NTNG1: variants seen among roughly 807,000 people sequenced by gnomAD.
The protein encoded by NTNG1 is netrin G1, also known as netrin-G1.
A neutral mutation model predicts 54.0 loss-of-function variants in NTNG1; 16 were observed. The observed-to-expected ratio is 0.30, with a 90% CI of 0.20 to 0.45. NTNG1 has a LOEUF of 0.45. Among genes scored for constraint, NTNG1 ranks in the 20% least tolerant of loss-of-function variants. The pLI is 1.00. For synonymous variants in NTNG1, 255 were observed against 263.1 expected, an observed-to-expected ratio of 0.97 and a Z score of 0.30; for missense variants, 530 against 678.7, an observed-to-expected ratio of 0.78 and a Z score of 2.43.
At chr1:107,412,812 G>T (rs1279702270) in intron 5 of NTNG1, among the ~76,000 whole-genome samples, 1 of 152,126 alleles carries the variant, frequency 6.6e-6, no homozygotes, top group Non-Finnish European at 1.5e-5. Context: ...ATAGATGTCA[G>T]GTATTTTATA....
At chr1:107,245,223 C>A (rs1447447451) in intron 2 of NTNG1, among the ~76,000 whole-genome samples, 1 of 152,158 alleles carries the variant, frequency 6.6e-6, no homozygotes, top group Non-Finnish European at 1.5e-5. Context: ...GACTAAAAAT[C>A]CAGTGGTTGA....
chr1:107,377,286 G>A (rs560724294), intron 3 of NTNG1, among the ~76,000 whole-genome samples: 45 of 152,270 alleles, frequency 3.0e-4, no homozygotes, highest in South Asian at 1.2e-3. Context: ...GGCCAGGAAC[G>A]GAGGATTATC....
chr1:107,456,040 C>T (rs562736775), intron 7 of NTNG1, among the ~76,000 whole-genome samples: 2 of 152,234 alleles, frequency 1.3e-5, no homozygotes, highest in East Asian at 3.9e-4. Flanking sequence ...TAGAACGATT[C>T]CCCAGGTCAT....
intron 2 of NTNG1, among the ~76,000 whole-genome samples, chr1:107,230,397 G>T (rs79201132): frequency 0.014 from 2,176 of 152,214 alleles, 37 homozygotes; most frequent in Admixed American, 0.055. Context: ...TGCAGTTTCT[G>T]CAGGATTTGT....
intron 3 of NTNG1, among the ~76,000 whole-genome samples, chr1:107,353,699 T>G (rs986530537): frequency 6.6e-6 from 1 of 152,184 alleles, no homozygotes; most frequent in Admixed American, 6.5e-5. Context: ...AATACCAATT[T>G]TTGTGTTAGT....
At chr1:107,294,277 C>T (rs1557875948) in intron 2 of NTNG1, among the ~76,000 whole-genome samples, 1 of 152,186 alleles carries the variant, frequency 6.6e-6, no homozygotes. Context: ...AATAAAGACT[C>T]CACCTGTGAT....
chr1:107,329,075 C>T, intron 3 of NTNG1: 1 of 152,156 alleles, frequency 6.6e-6, no homozygotes, highest in East Asian at 1.9e-4. Context: ...ACTCAGGCTC[C>T]ATTATAGGTA....
chr1:107,173,711 TTTTC>T (rs1288229689), intron 2 of NTNG1, among the ~76,000 whole-genome samples: 39 of 150,378 alleles, frequency 2.6e-4, no homozygotes, highest in Admixed American at 1.2e-3. Context: ...TTCTTTTTTC[TTTTC>T]TTTCTTTCTT....
At chr1:107,395,432 T>C in intron 4 of NTNG1, 106 bp downstream of exon 4, 1 of 1,080,846 alleles carries the variant, frequency 9.3e-7, no homozygotes, top group Non-Finnish European at 1.4e-6. Context: ...AGTTGTCTCA[T>C]TCTTCTTTAA....
chr1:107,440,166 A>C (rs12095462), intron 7 of NTNG1, among the ~76,000 whole-genome samples: 43,623 of 151,796 alleles, frequency 0.29, 6,527 homozygotes, highest in Non-Finnish European at 0.3. Context: ...AGGCAGTAGG[A>C]GATATCAGGA....
chr1:107,416,200 G>T (rs954200182), intron 5 of NTNG1, among the ~76,000 whole-genome samples: 7 of 151,964 alleles, frequency 4.6e-5, no homozygotes, highest in African/African-American at 1.7e-4. Flanking sequence ...ATAAAATTTT[G>T]TCCCACTGGA....
intron 2 of NTNG1, among the ~76,000 whole-genome samples, chr1:107,175,605 G>GTT (rs1390185431): frequency 2.2e-4 from 33 of 149,848 alleles, no homozygotes; most frequent in African/African-American, 7.6e-4. Flanking sequence ...CTTTCTGTGT[G>GTT]TTTTGTTTTT....
intron 7 of NTNG1, among the ~76,000 whole-genome samples, chr1:107,466,501 T>C (rs1297870011): frequency 1.3e-5 from 2 of 152,184 alleles, no homozygotes; most frequent in Non-Finnish European, 2.9e-5. Flanking sequence ...CCTATTCATA[T>C]AAAAGTACAT....
Position 107,350,867 on chromosome 1 carries a change from A to C in NTNG1, c.887+25945A>C, listed in dbSNP as rs573514528. Among the ~76,000 whole-genome samples, 14 of 152,296 alleles carry C rather than the reference A, an allele frequency of 9.2e-5. 1 individual carries two copies. In the East Asian group the frequency reaches 1.9e-3, roughly 21 times the overall value. On this transcript the variant is annotated intron_variant, in intron 3 of 7. Transcript: ENST00000370068. ...TGGAGAAAGTGGGAAAATTCTTGTC[A>C]AAAAGTGCAAAGTTTCAGTTATGCA...
chr1:107,341,688 A>T (rs1668905010), intron 3 of NTNG1, among the ~76,000 whole-genome samples: 1 of 152,124 alleles, frequency 6.6e-6, no homozygotes, highest in South Asian at 2.1e-4. Context: ...ACAGCATTGT[A>T]ATATCCATTG....
At chr1:107,465,864 T>C (rs1677572677) in intron 7 of NTNG1, among the ~76,000 whole-genome samples, 1 of 152,224 alleles carries the variant, frequency 6.6e-6, no homozygotes, top group African/African-American at 2.4e-5. Flanking sequence ...TGTACCAGAT[T>C]ATTAGATATA....
chr1:107,148,911 AGT>A, intron 2 of NTNG1, 72 bp downstream of exon 2: 1 of 1,443,380 alleles, frequency 6.9e-7, no homozygotes, highest in Non-Finnish European at 9.5e-7. Flanking sequence ...AGATGTGGTG[AGT>A]GTGAAGACAA....
chr1:107,208,504 A>G (rs1014441107), intron 2 of NTNG1, among the ~76,000 whole-genome samples: 10 of 152,156 alleles, frequency 6.6e-5, no homozygotes, highest in Middle Eastern at 3.4e-3. Context: ...TTCTCTGTTA[A>G]TCTTTTTCTT....
chr1:107,269,761 A>G (rs993676761), intron 2 of NTNG1, among the ~76,000 whole-genome samples: 3 of 152,220 alleles, frequency 2.0e-5, no homozygotes, highest in African/African-American at 7.2e-5. Flanking sequence ...GTTACATTTT[A>G]TATCTTTAGA....
Sources: gnomAD v4.1 joint callset for allele counts (sites outside exome capture counted in the v4.1 genomes callset) on GRCh38, gnomAD v4.1.1 for gene constraint, MANE v1.5 for transcripts, NCBI Gene and HGNC (gene_info 2026-07-23, HGNC 2026-07-21) for gene names.